Variants in EVI5 observed in about 807,000 individuals in gnomAD.
EVI5 encodes the protein ecotropic viral integration site 5 protein homolog.
Under a neutral mutation model 112.0 loss-of-function variants are expected in EVI5, and 73 were observed. The ratio of observed to expected loss-of-function variants is 0.65; its 90% CI spans 0.54 to 0.79. The LOEUF is 0.79. EVI5 is among the 30% of genes least tolerant of loss of function. The pLI, the probability that EVI5 is intolerant of heterozygous loss-of-function variation, is 0.00. For synonymous variants in EVI5, 305 were observed against 319.9 expected (o/e 0.95, Z 0.50); for missense variants, 900 against 968.8 (o/e 0.93, Z 0.94).
intron 1 of EVI5, among the ~76,000 whole-genome samples, chr1:92,791,893 T>C (rs1046413630): frequency 4.6e-5 from 7 of 152,206 alleles, no homozygotes; most frequent in African/African-American, 1.4e-4. Flanking sequence ...CATGCAACCA[T>C]CAACACTGTC....
chr1:92,564,619 G>C (rs541584477), intron 18 of EVI5, among the ~76,000 whole-genome samples: 19 of 152,076 alleles, frequency 1.2e-4, no homozygotes, highest in African/African-American at 3.6e-4. Flanking sequence ...ATATAGATTG[G>C]TGAAGAGAGG....
At position 92,694,295 on chromosome 1, in the gene EVI5, T is replaced by A; in HGVS notation, c.999+4A>T. 1 of 1,514,338 alleles carries A rather than the reference T, an allele frequency of 6.6e-7. No individual in the cohort carries two copies. Among genetic ancestry groups the A allele is most frequent in the Non-Finnish European group, 9.1e-7 (1 of 1,101,008 alleles). The allele number at this position is 1,514,338 out of a possible 1,614,324, so 93.8% of individuals were successfully genotyped here. On this transcript the variant is annotated splice_donor_region_variant and intron_variant, in intron 8 of 19. Coordinates refer to ENST00000684568, the MANE Select transcript of EVI5 (RefSeq NM_001350197.2). ...AAAAAAAAGAAAATAAATTATGAACTTACCTGTAACATCCCTTCCATGTCA... is the reference window on the plus strand; with the variant it reads ...AAAAAAAAGAAAATAAATTATGAACATACCTGTAACATCCCTTCCATGTCA...
At chr1:92,759,171 C>T (rs907407785) in intron 1 of EVI5, among the ~76,000 whole-genome samples, 10 of 151,794 alleles carry the variant, frequency 6.6e-5, no homozygotes, top group Admixed American at 4.6e-4. Context: ...TACAGTGAGC[C>T]GAGATCATGC....
intron 19 of EVI5, among the ~76,000 whole-genome samples, chr1:92,523,429 T>A (rs890080254): frequency 1.3e-5 from 2 of 151,972 alleles, no homozygotes; most frequent in Non-Finnish European, 2.9e-5. Context: ...TTTTAAAAAA[T>A]TTATTAATAT....
intron 5 of EVI5, chr1:92,700,943 A>G (rs1228351723): frequency 6.6e-6 from 1 of 152,236 alleles, no homozygotes; most frequent in Non-Finnish European, 1.5e-5. Context: ...CTGGAAAATC[A>G]TAATTTTGTT....
intron 2 of EVI5, among the ~76,000 whole-genome samples, chr1:92,722,983 T>A (rs1674996804): frequency 6.6e-6 from 1 of 152,192 alleles, no homozygotes. Flanking sequence ...GTATTTTCTA[T>A]CACCAGGTTT....
chr1:92,544,301 T>C (rs575912312), intron 19 of EVI5, among the ~76,000 whole-genome samples: 17 of 152,290 alleles, frequency 1.1e-4, no homozygotes, highest in African/African-American at 3.4e-4. Flanking sequence ...AACCACTGAA[T>C]TGTAAACTTT....
At chr1:92,548,521 A>C (rs1666197253) in intron 19 of EVI5, among the ~76,000 whole-genome samples, 1 of 152,186 alleles carries the variant, frequency 6.6e-6, no homozygotes, top group Admixed American at 6.5e-5. Flanking sequence ...GAAAGAAATA[A>C]AGGGTATTCA....
Position 92,626,268 on chromosome 1 carries a change from G to C in EVI5, c.1528-334C>G, listed in dbSNP as rs1440844670. Among the ~76,000 whole-genome samples, 4 of 152,074 alleles carry C rather than the reference G, an allele frequency of 2.6e-5. No homozygotes were observed. In the East Asian group the frequency reaches 7.7e-4, roughly 29 times the overall value. ...ATCTACTTTTTGTTTCCATGAGTTT[G>C]TCTACCTGGACATTTCTTATAAGTG... is the stretch of plus-strand genomic sequence containing the variant. On this transcript the variant is annotated intron_variant, in intron 14 of 19. Coordinates refer to ENST00000684568, the MANE Select transcript of EVI5 (RefSeq NM_001350197.2).
At chr1:92,673,185 C>CTTTTTTTT (rs35702596) in intron 10 of EVI5, among the ~76,000 whole-genome samples, 39 of 123,534 alleles carry the variant, frequency 3.2e-4, no homozygotes, top group East Asian at 4.5e-4. Context: ...TAACACTTCT[C>CTTTTTTTT]TTTTTTTTTT....
rs143279797 is a variant in EVI5 at position 92,567,741 on chromosome 1, T to A, written c.2071-4004A>T. ...ATATTCTAGTTAAGCAATGCATAACTGCATATTTACACATACTAATATCAG... is the reference window on the plus strand; with the variant it reads ...ATATTCTAGTTAAGCAATGCATAACAGCATATTTACACATACTAATATCAG... On this transcript the variant is annotated intron_variant, in intron 18 of 19. Coordinates refer to ENST00000684568, the MANE Select transcript of EVI5 (RefSeq NM_001350197.2). 2.8e-4 allele frequency among the ~76,000 whole-genome samples: 43 copies of A among 152,320 alleles called. 1 individual carries two copies. In the East Asian group the frequency reaches 8.3e-3, roughly 29 times the overall value.
chr1:92,547,522 G>C lies in EVI5; in HGVS notation c.2166+16120C>G, dbSNP rs182134471. The stretch of plus-strand genomic sequence containing the variant: ...TCAGAGCAGAACTGAAGGAGATAGA[G>C]ACACAAAAAACCCTTCAAAAAATCA... On this transcript the variant is annotated intron_variant, in intron 19 of 19. Coordinates refer to ENST00000684568, the MANE Select transcript of EVI5 (RefSeq NM_001350197.2). 4.5e-3 allele frequency among the ~76,000 whole-genome samples: 688 copies of C among 152,180 alleles called. 2 individuals are homozygous for C. The highest frequency in any genetic ancestry group is 0.014 in the Middle Eastern group (4 of 294).
intron 1 of EVI5, chr1:92,756,789 T>C (rs1335398907): frequency 3.9e-6 from 2 of 515,692 alleles, no homozygotes; most frequent in Non-Finnish European, 4.0e-6. Context: ...AGATGTGTCC[T>C]CCTGGCTTCC....
At chr1:92,790,096 G>C (rs111281067), upstream of EVI5, among the ~76,000 whole-genome samples, 31,503 of 152,104 alleles carry the variant, frequency 0.21, 3,704 homozygotes, top group Non-Finnish European at 0.26. Context: ...AGGATCACTT[G>C]AGGCCAAGAG....
At chr1:92,674,115 C>T (rs889508272) in intron 10 of EVI5, among the ~76,000 whole-genome samples, 1 of 152,072 alleles carries the variant, frequency 6.6e-6, no homozygotes, top group African/African-American at 2.4e-5. Flanking sequence ...GTAAAAGAGA[C>T]TTTTGCGGGA....
intron 19 of EVI5, among the ~76,000 whole-genome samples, chr1:92,548,332 T>C (rs1443801252): frequency 6.6e-6 from 1 of 152,224 alleles, no homozygotes; most frequent in African/African-American, 2.4e-5. Flanking sequence ...AAATTCGGTA[T>C]TGATTGGACG....
At chr1:92,765,732 T>G (rs1057512232) in intron 1 of EVI5, among the ~76,000 whole-genome samples, 1 of 152,154 alleles carries the variant, frequency 6.6e-6, no homozygotes, top group Admixed American at 6.6e-5. Flanking sequence ...TGAACCACTT[T>G]GCTGTATTAC....
At chr1:92,653,064 G>A (rs1289152701) in intron 13 of EVI5, among the ~76,000 whole-genome samples, 1 of 152,178 alleles carries the variant, frequency 6.6e-6, no homozygotes, top group African/African-American at 2.4e-5. Flanking sequence ...TGAGGGCACT[G>A]CACCAGATTA....
At chr1:92,744,600 T>A (rs9440099) in intron 1 of EVI5, among the ~76,000 whole-genome samples, 1,675 of 27,914 alleles carry the variant, frequency 0.06, 12 homozygotes, top group East Asian at 0.19. Context: ...TCTCTCTCTC[T>A]CACACACACA....
Sources: allele counts gnomAD v4.1 joint callset (sites outside exome capture counted in the v4.1 genomes callset), GRCh38; gene constraint gnomAD v4.1.1; transcripts MANE v1.5; gene names NCBI Gene and HGNC (gene_info 2026-07-23, HGNC 2026-07-21).